The following ULK4 variants were observed in gnomAD, a reference collection of about 807,000 sequenced individuals.
ULK4 encodes unc-51 like kinase 4, also known as inactive serine/threonine-protein kinase ULK4.
A neutral mutation model predicts 160.6 loss-of-function variants in ULK4; 133 were observed. The ratio of observed to expected loss-of-function variants is 0.83; its 90% CI spans 0.72 to 0.96. The LOEUF is 0.96. ULK4 is among the 40% of genes least tolerant of loss of function. The pLI, the probability that ULK4 is intolerant of heterozygous loss-of-function variation, is 0.00. For missense variants in ULK4, 1,580 were observed against 1,499.5 expected, an observed-to-expected ratio of 1.05 and a Z score of -0.89; for synonymous variants, 534 against 539.8, an observed-to-expected ratio of 0.99 and a Z score of 0.15.
chr3:41,388,407 G>T (rs201268221), intron 35 of ULK4, among the ~76,000 whole-genome samples: 378 of 150,808 alleles, frequency 2.5e-3, no homozygotes, highest in East Asian at 5.5e-3. Context: ...TTTTGGCTTT[G>T]GTTGCCATTG....
At chr3:41,682,639 T>C (rs181737556) in intron 27 of ULK4, among the ~76,000 whole-genome samples, 14 of 152,322 alleles carry the variant, frequency 9.2e-5, no homozygotes, top group African/African-American at 2.9e-4. Context: ...CTATCTCCAC[T>C]TGACATAGGA....
intron 27 of ULK4, among the ~76,000 whole-genome samples, chr3:41,687,172 A>T (rs559133183): frequency 6.6e-6 from 1 of 152,306 alleles, no homozygotes; most frequent in Admixed American, 6.5e-5. Context: ...CAAGAGATCA[A>T]GACCATCCTG....
intron 5 of ULK4, among the ~76,000 whole-genome samples, chr3:41,926,698 A>G (rs886507652): frequency 6.6e-6 from 1 of 152,222 alleles, no homozygotes; most frequent in African/African-American, 2.4e-5. Flanking sequence ...AACTTCATGA[A>G]GCACACACAA....
intron 30 of ULK4, among the ~76,000 whole-genome samples, chr3:41,638,021 G>A (rs930234204): frequency 2.6e-5 from 4 of 152,110 alleles, no homozygotes; most frequent in African/African-American, 4.8e-5. Context: ...TGGCTGTGCA[G>A]AAGTTTTCTA....
At chr3:41,453,192 G>A (rs894591610) in intron 34 of ULK4, among the ~76,000 whole-genome samples, 1 of 152,046 alleles carries the variant, frequency 6.6e-6, no homozygotes, top group South Asian at 2.1e-4. Context: ...TTTTGAGACA[G>A]GGTCTCACTC....
In ULK4 at chr3:41,313,379, G is replaced by A. The variant is rs185743512; in HGVS notation, c.3679-63805C>T. On this transcript the variant is annotated intron_variant, in intron 35 of 36. Transcript: ENST00000301831. ...GGCAATAAAAAGTAATAAATTTAGT[G>A]CTTACTAAATGTTAGCTGTTATTCC... Among the ~76,000 whole-genome samples, 158 of 152,282 alleles carry A rather than the reference G, an allele frequency of 1.0e-3. 1 individual carries two copies. Among genetic ancestry groups the A allele is most frequent in the Non-Finnish European group, 1.9e-3 (127 of 68,026 alleles).
At chr3:41,374,727 A>G (rs2081443912) in intron 35 of ULK4, among the ~76,000 whole-genome samples, 1 of 152,212 alleles carries the variant, frequency 6.6e-6, no homozygotes, top group Non-Finnish European at 1.5e-5. Flanking sequence ...AAACTGGCAC[A>G]AGACAATGAT....
intron 30 of ULK4, among the ~76,000 whole-genome samples, chr3:41,643,067 G>C (rs1046605045): frequency 6.6e-6 from 1 of 152,104 alleles, no homozygotes; most frequent in Non-Finnish European, 1.5e-5. Context: ...ATTTCTTTGA[G>C]TTCATTGTAG....
intron 29 of ULK4, among the ~76,000 whole-genome samples, chr3:41,679,191 G>A (rs545339632): frequency 1.3e-5 from 2 of 152,176 alleles, no homozygotes; most frequent in Admixed American, 1.3e-4. Flanking sequence ...TTACTTTAAA[G>A]ATTAATATGA....
chr3:41,655,860 C>T (rs2034918545), intron 30 of ULK4, among the ~76,000 whole-genome samples: 1 of 152,096 alleles, frequency 6.6e-6, no homozygotes, highest in South Asian at 2.1e-4. Flanking sequence ...TGGGCTTTTA[C>T]TTTTACCAGA....
chr3:41,473,251 C>T (rs2084040145), intron 32 of ULK4, among the ~76,000 whole-genome samples: 1 of 151,602 alleles, frequency 6.6e-6, no homozygotes, highest in Admixed American at 6.6e-5. Context: ...AGTAATTAGG[C>T]AAGAGAAAAA....
chr3:41,307,171 A>AC (rs113216808), intron 35 of ULK4, among the ~76,000 whole-genome samples: 43,221 of 151,186 alleles, frequency 0.29, 6,572 homozygotes, highest in Middle Eastern at 0.34. Flanking sequence ...AAAAAAAAAA[A>AC]AACTGGAATA....
chr3:41,522,710 T>C (rs1221983817), intron 32 of ULK4, among the ~76,000 whole-genome samples: 2 of 152,174 alleles, frequency 1.3e-5, no homozygotes, highest in East Asian at 1.9e-4. Flanking sequence ...AAACAACTGC[T>C]TGAAAGTTTT....
intron 31 of ULK4, among the ~76,000 whole-genome samples, chr3:41,614,878 G>C (rs954431188): frequency 6.6e-6 from 1 of 152,218 alleles, no homozygotes; most frequent in Admixed American, 6.5e-5. Flanking sequence ...ACCAAGGTAA[G>C]TTAGGCTGAT....
intron 35 of ULK4, among the ~76,000 whole-genome samples, chr3:41,313,628 C>T (rs546320107): frequency 6.6e-6 from 1 of 152,090 alleles, no homozygotes; most frequent in East Asian, 1.9e-4. Flanking sequence ...TTTCAATGTT[C>T]CTTGTTTTTA....
chr3:41,587,833 G>A (rs969578417), intron 31 of ULK4, among the ~76,000 whole-genome samples: 1 of 151,958 alleles, frequency 6.6e-6, no homozygotes, highest in African/African-American at 2.4e-5. Context: ...TTTAAATATC[G>A]GTTAATTAGC....
chr3:41,915,128 G>A (rs186474016), intron 8 of ULK4, among the ~76,000 whole-genome samples: 37 of 152,286 alleles, frequency 2.4e-4, no homozygotes, highest in Admixed American at 1.1e-3. Context: ...TGGATACACC[G>A]TCTTAAGTAA....
At position 41,600,636 on chromosome 3, in the gene ULK4, G is replaced by A. The variant is rs539307426; in HGVS notation, c.3120+15033C>T. 6.0e-4 allele frequency among the ~76,000 whole-genome samples: 92 copies of A among 152,346 alleles called. 1 individual carries two copies. The South Asian group carries it at 0.018, about 29-fold the overall frequency. ...ACAGAGTGTCCCCTCTCTCCTGAAT[G>A]GGGGTTCTAATCACTCCACATCAGA... On this transcript the variant is annotated intron_variant, in intron 31 of 36. Transcript: ENST00000301831.
intron 22 of ULK4, among the ~76,000 whole-genome samples, chr3:41,727,412 G>GT (rs1167125222): frequency 2.0e-5 from 3 of 152,196 alleles, no homozygotes; most frequent in African/African-American, 4.8e-5. Context: ...AGCTTAGGTG[G>GT]TGACAAGTAC....
Sources: gnomAD v4.1 joint callset for allele counts (sites outside exome capture counted in the v4.1 genomes callset) on GRCh38, gnomAD v4.1.1 for gene constraint, MANE v1.5 for transcripts, NCBI Gene and HGNC (gene_info 2026-07-23, HGNC 2026-07-21) for gene names.